Variants in MYO3B observed in about 807,000 individuals in gnomAD.
MYO3B encodes the protein myosin IIIB, also known as myosin-IIIb.
A neutral mutation model predicts 174.6 loss-of-function variants in MYO3B; 156 were observed. That is an observed-to-expected ratio of 0.89 (90% CI 0.78 to 1.02). The LOEUF (loss-of-function observed/expected upper bound fraction) is 1.02, where lower values mean the gene tolerates loss of function less well. MYO3B is among the 50% of genes least tolerant of loss of function. The pLI, the probability that MYO3B is intolerant of heterozygous loss-of-function variation, is 0.00. For missense variants in MYO3B, 1,632 were observed against 1,639.4 expected (o/e 1.00, Z 0.08); for synonymous variants, 563 against 569.1 (o/e 0.99, Z 0.15).
At chr2:170,475,759 G>A (rs1023745815) in intron 25 of MYO3B, among the ~76,000 whole-genome samples, 5 of 152,180 alleles carry the variant, frequency 3.3e-5, no homozygotes, top group Non-Finnish European at 4.4e-5. Context: ...CCTCTTCTTC[G>A]TTGTCTATGG....
At chr2:170,439,960 G>A (rs1246002283) in intron 22 of MYO3B, among the ~76,000 whole-genome samples, 3 of 152,208 alleles carry the variant, frequency 2.0e-5, no homozygotes, top group Admixed American at 1.3e-4. Context: ...GATTACAGGC[G>A]TGAGCCACCA....
chr2:170,295,071 T>C (rs2093620949), intron 7 of MYO3B, among the ~76,000 whole-genome samples: 1 of 152,152 alleles, frequency 6.6e-6, no homozygotes, highest in Non-Finnish European at 1.5e-5. Flanking sequence ...CCTTTGTCAT[T>C]ATACAGTCTT....
chr2:170,550,629 G>A (rs867180713), intron 32 of MYO3B, among the ~76,000 whole-genome samples: 3 of 152,170 alleles, frequency 2.0e-5, no homozygotes, highest in Middle Eastern at 3.2e-3. Flanking sequence ...GTCAACCACA[G>A]GGCCAGGAAA....
intron 22 of MYO3B, among the ~76,000 whole-genome samples, chr2:170,419,679 C>A (rs1049687981): frequency 5.3e-5 from 8 of 152,092 alleles, no homozygotes; most frequent in African/African-American, 1.9e-4. Flanking sequence ...ACTACTGTGG[C>A]CACCTAGAGC....
intron 32 of MYO3B, among the ~76,000 whole-genome samples, chr2:170,630,907 C>T (rs1696907701): frequency 6.6e-6 from 1 of 152,184 alleles, no homozygotes; most frequent in East Asian, 1.9e-4. Context: ...TGTAGGTCAC[C>T]ATCATCAAAG....
In MYO3B at chr2:170,335,444, T is replaced by C. The variant is rs370580312; in HGVS notation, c.809T>C (p.Ile270Thr). 1.6e-5 allele frequency: 25 copies of C among 1,611,380 alleles called. No individual in the cohort carries two copies. Among genetic ancestry groups the C allele is most frequent in the Non-Finnish European group, 2.0e-5 (24 of 1,178,466 alleles). ...EKWCEEFNHF[I>T]SQCLIKDFER... ...TGGTGTGAAGAATTCAACCACTTTA[T>C]TTCACAGTGAGTATTTCTTCCACTA... is the stretch of plus-strand genomic sequence containing the variant. Residue 270 changes from isoleucine (I) to threonine (T), a missense_variant, in exon 8 of 35, where the codon ATT becomes ACT. Transcript: ENST00000408978.
rs34605437 is a variant in MYO3B at position 170,373,828 on chromosome 2, TAAA to T, written c.971+4465_971+4467del. Among the ~76,000 whole-genome samples the T allele has an allele frequency of 4.9e-4, 71 of 145,616 alleles. 1 individual carries two copies. In the East Asian group the frequency reaches 9.2e-3, roughly 19 times the overall value. The stretch of plus-strand genomic sequence containing the variant: ...GAGGAAATTCATGTTGAATGGCCTT[TAAA>T]AAAAAAAAAAAAACTTAGCAAGGTT... On this transcript the variant is annotated intron_variant, in intron 9 of 34. Coordinates refer to ENST00000408978, the MANE Select transcript of MYO3B (RefSeq NM_138995.5).
At chr2:170,559,208 A>G (rs1053346071) in intron 32 of MYO3B, among the ~76,000 whole-genome samples, 3 of 152,210 alleles carry the variant, frequency 2.0e-5, no homozygotes, top group African/African-American at 7.2e-5. Context: ...TAGAGTCAGT[A>G]GTACCTCTGG....
chr2:170,335,357 T>C, intron 7 of MYO3B, 28 bp from the exon 8 acceptor site: 2 of 1,562,278 alleles, frequency 1.3e-6, no homozygotes, highest in Non-Finnish European at 1.8e-6. Flanking sequence ...TCTTCTTTCT[T>C]AAGAAAAAAT....
intron 28 of MYO3B, among the ~76,000 whole-genome samples, chr2:170,507,925 GGA>G (rs1430407732): frequency 1.3e-5 from 2 of 152,126 alleles, no homozygotes; most frequent in African/African-American, 4.8e-5. Context: ...GGCATAGCTT[GGA>G]ATGCACAGGA....
intron 22 of MYO3B, among the ~76,000 whole-genome samples, chr2:170,434,995 A>G (rs1217836844): frequency 1.3e-5 from 2 of 152,216 alleles, no homozygotes; most frequent in Non-Finnish European, 2.9e-5. Flanking sequence ...GTATACAACT[A>G]TGTACTGAAT....
At chr2:170,336,869 G>A (rs1482112100) in intron 8 of MYO3B, among the ~76,000 whole-genome samples, 3 of 151,988 alleles carry the variant, frequency 2.0e-5, no homozygotes. Context: ...GAATTTGTTT[G>A]CTTTTCCTAT....
intron 14 of MYO3B, among the ~76,000 whole-genome samples, chr2:170,388,742 T>C (rs527294375): frequency 6.6e-6 from 1 of 152,178 alleles, no homozygotes; most frequent in South Asian, 2.1e-4. Context: ...GCAGTGGAGA[T>C]GGAGAGAAGA....
chr2:170,548,469 G>A (rs993073782), intron 32 of MYO3B, among the ~76,000 whole-genome samples: 4 of 152,134 alleles, frequency 2.6e-5, no homozygotes, highest in Admixed American at 6.5e-5. Flanking sequence ...TGATATTGTC[G>A]GTCTGAGGTT....
At chr2:170,497,010 G>A (rs980124107) in intron 25 of MYO3B, among the ~76,000 whole-genome samples, 34 of 152,078 alleles carry the variant, frequency 2.2e-4, no homozygotes, top group African/African-American at 8.2e-4. Context: ...TGGTAACGAT[G>A]GAGTTCAGGA....
intron 7 of MYO3B, among the ~76,000 whole-genome samples, chr2:170,297,384 A>G (rs569472494): frequency 6.6e-6 from 1 of 152,298 alleles, no homozygotes; most frequent in African/African-American, 2.4e-5. Context: ...GAGTTGAGCT[A>G]AATTATAGCT....
At chr2:170,611,605 G>A (rs1352551029) in intron 32 of MYO3B, among the ~76,000 whole-genome samples, 1 of 152,164 alleles carries the variant, frequency 6.6e-6, no homozygotes. Flanking sequence ...GGGGATGGGA[G>A]AGGACCAGGC....
intron 24 of MYO3B, among the ~76,000 whole-genome samples, chr2:170,465,460 C>T (rs1007590243): frequency 1.3e-5 from 2 of 152,162 alleles, no homozygotes; most frequent in African/African-American, 2.4e-5. Context: ...GCCCCATGAC[C>T]CAAACACCTC....
chr2:170,631,443 T>C (rs1016949854), intron 32 of MYO3B, among the ~76,000 whole-genome samples: 2 of 152,038 alleles, frequency 1.3e-5, no homozygotes, highest in Non-Finnish European at 2.9e-5. Flanking sequence ...CTGAAAGTGA[T>C]GGGGAGAATG....
Sources: gnomAD v4.1 joint callset for allele counts (sites outside exome capture counted in the v4.1 genomes callset) on GRCh38, gnomAD v4.1.1 for gene constraint, MANE v1.5 for transcripts, NCBI Gene and HGNC (gene_info 2026-07-23, HGNC 2026-07-21) for gene names.